Variants in TMEM178B observed in about 807,000 individuals in gnomAD.
The protein encoded by TMEM178B is transmembrane protein 178B.
Under a neutral mutation model 31.0 loss-of-function variants are expected in TMEM178B, and 5 were observed. That is an observed-to-expected ratio of 0.16 (90% CI 0.08 to 0.34). The LOEUF (loss-of-function observed/expected upper bound fraction) is 0.34. Ranked by LOEUF, TMEM178B falls within the 10% of genes least tolerant of loss-of-function variation. The pLI, the probability that TMEM178B is intolerant of heterozygous loss-of-function variation, is 1.00. For synonymous variants in TMEM178B, 164 were observed against 164.0 expected (o/e 1.00, Z 0.00); for missense variants, 275 against 400.3 (o/e 0.69, Z 2.67).
At chr7:141,101,623 G>A (rs1025167656) in intron 1 of TMEM178B, among the ~76,000 whole-genome samples, 1 of 152,230 alleles carries the variant, frequency 6.6e-6, no homozygotes, top group African/African-American at 2.4e-5. Flanking sequence ...TGTGGTGGCA[G>A]CAGCCGGAGA....
intron 1 of TMEM178B, among the ~76,000 whole-genome samples, chr7:141,168,101 A>C (rs1399407032): frequency 6.6e-6 from 1 of 152,196 alleles, no homozygotes; most frequent in Non-Finnish European, 1.5e-5. Flanking sequence ...CGAGATGGCC[A>C]GGGCAGAGAC....
chr7:141,403,305 A>AT (rs1371333612), intron 2 of TMEM178B, among the ~76,000 whole-genome samples: 1 of 152,066 alleles, frequency 6.6e-6, no homozygotes, highest in Non-Finnish European at 1.5e-5. Context: ...CTGGACATTG[A>AT]TTTTGCCTTT....
chr7:141,082,065 C>T (rs531201262), intron 1 of TMEM178B, among the ~76,000 whole-genome samples: 90 of 152,288 alleles, frequency 5.9e-4, no homozygotes, highest in South Asian at 3.7e-3. Context: ...AGCCTTGGAG[C>T]AATAGGCTAT....
At chr7:141,468,132 CT>C (rs1802177865) in intron 3 of TMEM178B, among the ~76,000 whole-genome samples, 1 of 152,268 alleles carries the variant, frequency 6.6e-6, no homozygotes, top group East Asian at 1.9e-4. Flanking sequence ...TGGATCTGGG[CT>C]TTGGCCGATT....
chr7:141,502,874 G>A, the TMEM178B span, among the ~76,000 whole-genome samples: 12 of 152,332 alleles, frequency 7.9e-5, no homozygotes, highest in Admixed American at 6.5e-4. Flanking sequence ...GCTAGGTACT[G>A]TTCCAAGGAA....
At chr7:141,210,997 G>A (rs142910432) in intron 1 of TMEM178B, among the ~76,000 whole-genome samples, 1 of 152,206 alleles carries the variant, frequency 6.6e-6, no homozygotes, top group Non-Finnish European at 1.5e-5. Flanking sequence ...TGGATGGGAG[G>A]TGATGCTATT....
chr7:141,217,646 A>G (rs1390763015), intron 2 of TMEM178B, among the ~76,000 whole-genome samples: 1 of 152,090 alleles, frequency 6.6e-6, no homozygotes, highest in African/African-American at 2.4e-5. Context: ...CAGGGCAGAC[A>G]CCCATTGGAA....
At chr7:141,382,549 T>C (rs947496547) in intron 2 of TMEM178B, among the ~76,000 whole-genome samples, 1 of 152,366 alleles carries the variant, frequency 6.6e-6, no homozygotes, top group Admixed American at 6.5e-5. Flanking sequence ...TGTCATTTCA[T>C]GTGTCTGATC....
chr7:141,350,719 C>T (rs17162153), intron 2 of TMEM178B, among the ~76,000 whole-genome samples: 6,763 of 152,156 alleles, frequency 0.044, 192 homozygotes, highest in South Asian at 0.09. Flanking sequence ...TTCAGACAAA[C>T]AGAAAAGTGC....
At chr7:141,396,993 G>GT (rs1416118619) in intron 2 of TMEM178B, among the ~76,000 whole-genome samples, 2 of 152,178 alleles carry the variant, frequency 1.3e-5, no homozygotes, top group African/African-American at 4.8e-5. Context: ...ATTGAGCTTG[G>GT]TTTTTTGTCC....
chr7:141,336,925 C>T (rs1296695214), intron 2 of TMEM178B, among the ~76,000 whole-genome samples: 7 of 131,856 alleles, frequency 5.3e-5, no homozygotes, highest in South Asian at 2.7e-4. Flanking sequence ...CCACCACCAC[C>T]ACCACCATCA....
rs1023198295 is a variant in TMEM178B, at chr7:141,318,314, G to A, written c.496+105610G>A. On this transcript the variant is annotated intron_variant, in intron 2 of 3. Transcript: ENST00000565468. This position sits in a 1 kb window ranked among gnomAD's most constrained non-coding sequence, Gnocchi z 4.1. Reference sequence around the variant, plus strand: ...GCCATTCTTTCTTATAACCCATTTTGAGAGTGGGAATGGGGCTGCGAAATC... The same window carrying A: ...GCCATTCTTTCTTATAACCCATTTTAAGAGTGGGAATGGGGCTGCGAAATC... 1.3e-5 allele frequency among the ~76,000 whole-genome samples: 2 copies of A among 152,196 alleles called. No individual in the cohort carries two copies. The highest frequency in any genetic ancestry group is 4.8e-5 in the African/African-American group (2 of 41,452).
At chr7:141,146,628 C>T (rs1455673629) in intron 1 of TMEM178B, among the ~76,000 whole-genome samples, 1 of 152,198 alleles carries the variant, frequency 6.6e-6, no homozygotes. Flanking sequence ...CTATCATTGG[C>T]TGCTATTACT....
intron 2 of TMEM178B, among the ~76,000 whole-genome samples, chr7:141,221,407 TC>T (rs1373933182): frequency 7.4e-6 from 1 of 134,352 alleles, no homozygotes; most frequent in Admixed American, 7.1e-5. Flanking sequence ...GACATGGATG[TC>T]AGAGCAGGCA....
chr7:141,341,769 T>C (rs1009213400), intron 2 of TMEM178B, among the ~76,000 whole-genome samples: 1 of 152,134 alleles, frequency 6.6e-6, no homozygotes, highest in Admixed American at 6.5e-5. Flanking sequence ...AAAAAAATTA[T>C]GGCAAAGCTC....
In TMEM178B at chr7:141,278,837, C is replaced by A. The variant is rs186713110; in HGVS notation, c.496+66133C>A. 5.9e-5 allele frequency among the ~76,000 whole-genome samples: 9 copies of A among 152,128 alleles called. No homozygotes were observed. The East Asian group carries it at 1.5e-3, about 26-fold the overall frequency. On this transcript the variant is annotated intron_variant, in intron 2 of 3. Coordinates refer to ENST00000565468, the MANE Select transcript of TMEM178B (RefSeq NM_001195278.2). ...CTGAAGGGTGAAATTTAAGAATAAT[C>A]GTGTAGAAGAAAAGTTCCAACGGGC...
At chr7:141,327,659 T>C (rs1030717894) in intron 2 of TMEM178B, among the ~76,000 whole-genome samples, 1 of 152,196 alleles carries the variant, frequency 6.6e-6, no homozygotes, top group African/African-American at 2.4e-5. Flanking sequence ...TTGATCCCAC[T>C]GAGGACATGT....
At chr7:141,161,660 G>A (rs554792094) in intron 1 of TMEM178B, among the ~76,000 whole-genome samples, 15 of 152,278 alleles carry the variant, frequency 9.9e-5, no homozygotes, top group East Asian at 5.8e-4. Flanking sequence ...GAGGCAGTGC[G>A]GGCCTGGGCG....
intron 1 of TMEM178B, among the ~76,000 whole-genome samples, chr7:141,150,770 A>G (rs745530545): frequency 2.0e-5 from 3 of 152,250 alleles, no homozygotes; most frequent in Non-Finnish European, 2.9e-5. Flanking sequence ...TAGTCAGCCG[A>G]CAAGACTGGA....
Sources: allele counts gnomAD v4.1 joint callset (sites outside exome capture counted in the v4.1 genomes callset), GRCh38; gene constraint gnomAD v4.1.1; non-coding constraint Gnocchi (gnomAD v3.1); transcripts MANE v1.5; gene names NCBI Gene and HGNC (gene_info 2026-07-23, HGNC 2026-07-21).